Variants in MVB12B observed in about 807,000 individuals in gnomAD.
MVB12B encodes the protein ESCRT-I complex subunit MVB12B.
Under a neutral mutation model 41.6 loss-of-function variants are expected in MVB12B, and 16 were observed. That is an observed-to-expected ratio of 0.38 (90% CI 0.26 to 0.58). The LOEUF is 0.58. MVB12B is among the 20% of genes least tolerant of loss of function. The pLI is 0.62. For missense variants in MVB12B, 274 were observed against 380.2 expected (o/e 0.72, Z 2.32); for synonymous variants, 133 against 139.7 (o/e 0.95, Z 0.34).
At chr9:126,343,318 G>A (rs1829499798) in intron 2 of MVB12B, among the ~76,000 whole-genome samples, 1 of 152,152 alleles carries the variant, frequency 6.6e-6, no homozygotes, top group Non-Finnish European at 1.5e-5. Flanking sequence ...GGTGAGTCTC[G>A]TGCATCTTTG....
intron 6 of MVB12B, among the ~76,000 whole-genome samples, chr9:126,410,198 T>C (rs1036175637): frequency 6.6e-5 from 10 of 151,580 alleles, no homozygotes; most frequent in African/African-American, 2.4e-4. Flanking sequence ...CATGCATGCA[T>C]GTGTGTATGT....
Position 126,340,891 on chromosome 9 carries a change from T to C in MVB12B, c.204+261T>C, listed in dbSNP as rs532287715. Among the ~76,000 whole-genome samples, 7 of 152,340 alleles carry C rather than the reference T, an allele frequency of 4.6e-5. No individual in the cohort carries two copies. The South Asian group carries it at 6.2e-4, about 14-fold the overall frequency. The stretch of plus-strand genomic sequence containing the variant: ...GGAGTTAGATTCATTGATTTTCAAC[T>C]TCTGGTTGTGACATTTCGTGAAAAG... On this transcript the variant is annotated intron_variant, in intron 2 of 9. Coordinates refer to ENST00000361171, the MANE Select transcript of MVB12B (RefSeq NM_033446.3). This position sits in a 1 kb window ranked among gnomAD's most constrained non-coding sequence, Gnocchi z 4.0.
intron 7 of MVB12B, among the ~76,000 whole-genome samples, chr9:126,457,987 CTG>C (rs1833018138): frequency 6.6e-6 from 1 of 152,164 alleles, no homozygotes; most frequent in Non-Finnish European, 1.5e-5. Context: ...ACAATAAAGA[CTG>C]AGCAGAAAGC....
intron 5 of MVB12B, among the ~76,000 whole-genome samples, chr9:126,393,400 G>T (rs1027113687): frequency 6.6e-6 from 1 of 152,206 alleles, no homozygotes; most frequent in African/African-American, 2.4e-5. Flanking sequence ...TTTCATCCAG[G>T]TTCAAGTCCA....
intron 2 of MVB12B, among the ~76,000 whole-genome samples, chr9:126,357,215 A>C (rs1033956928): frequency 5.3e-5 from 8 of 152,180 alleles, no homozygotes; most frequent in African/African-American, 1.9e-4. Flanking sequence ...TTGTTTAATG[A>C]GTAGTGCTCT....
intron 7 of MVB12B, among the ~76,000 whole-genome samples, chr9:126,454,763 G>T (rs146770761): frequency 1.3e-5 from 2 of 151,796 alleles, no homozygotes; most frequent in African/African-American, 2.4e-5. Context: ...ATAGCCTTCT[G>T]GTAGGGGTCG....
chr9:126,497,671 C>A (rs986646145), intron 9 of MVB12B, among the ~76,000 whole-genome samples: 2 of 152,202 alleles, frequency 1.3e-5, no homozygotes, highest in Non-Finnish European at 2.9e-5. Context: ...TCTCCCTACC[C>A]CCAAGGCCCA....
intron 9 of MVB12B, among the ~76,000 whole-genome samples, chr9:126,496,232 TACAC>T (rs1833831158): frequency 1.9e-5 from 1 of 54,004 alleles, no homozygotes; most frequent in Admixed American, 2.3e-4. Context: ...CACCCATCCA[TACAC>T]CCACTTACCC....
At chr9:126,396,219 G>A (rs1831110194) in intron 6 of MVB12B, 5 of 986,586 alleles carry the variant, frequency 5.1e-6, no homozygotes, top group Non-Finnish European at 6.0e-6. Flanking sequence ...AATTGTCTCC[G>A]CAAAGAAACT....
At chr9:126,455,120 G>A (rs4837086) in intron 7 of MVB12B, among the ~76,000 whole-genome samples, 134,464 of 152,228 alleles carry the variant, frequency 0.88, 59,489 homozygotes, top group East Asian at 1. Flanking sequence ...AAGACCCACA[G>A]CTCCCAGTAA....
At chr9:126,387,566 G>A (rs930703323) in intron 4 of MVB12B, among the ~76,000 whole-genome samples, 22 of 152,262 alleles carry the variant, frequency 1.4e-4, no homozygotes, top group Admixed American at 1.4e-3. Flanking sequence ...ATCCCCTGCT[G>A]TTATTTTCAT....
intron 2 of MVB12B, among the ~76,000 whole-genome samples, chr9:126,375,363 C>CTTTTTTTTTTTTTTTTTTTTTT (rs35585049): frequency 9.5e-6 from 1 of 105,194 alleles, no homozygotes; most frequent in Non-Finnish European, 1.8e-5. Context: ...TAAATTGATT[C>CTTTTTTTTTTTTTTTTTTTTTT]TTTTTTTTTT....
At chr9:126,491,034 A>AACTGT (rs1289888934) in intron 9 of MVB12B, among the ~76,000 whole-genome samples, 10 of 152,218 alleles carry the variant, frequency 6.6e-5, no homozygotes, top group African/African-American at 2.2e-4. Flanking sequence ...TTAAGTGTTA[A>AACTGT]TTAGTAAACA....
At chr9:126,401,653 A>G (rs1355508625) in intron 6 of MVB12B, among the ~76,000 whole-genome samples, 1 of 152,200 alleles carries the variant, frequency 6.6e-6, no homozygotes, top group Admixed American at 6.5e-5. Context: ...GAGAGGAAAA[A>G]TCATGCCGTG....
chr9:126,464,535 C>T (rs887140481), intron 7 of MVB12B, among the ~76,000 whole-genome samples: 1 of 152,190 alleles, frequency 6.6e-6, no homozygotes, highest in African/African-American at 2.4e-5. Flanking sequence ...TACACGAGGT[C>T]TGCACTTGAA....
intron 7 of MVB12B, among the ~76,000 whole-genome samples, chr9:126,469,006 G>C (rs771879064): frequency 6.6e-6 from 1 of 152,100 alleles, no homozygotes. Flanking sequence ...TTAAAAACAC[G>C]AATACATACA....
Position 126,486,037 on chromosome 9 carries a change from G to A in MVB12B, c.873+2005G>A, listed in dbSNP as rs923436169. Among the ~76,000 whole-genome samples the A allele has an allele frequency of 5.8e-4, 88 of 152,272 alleles. No homozygotes were observed. Among genetic ancestry groups the A allele is most frequent in the African/African-American group, 2.0e-3 (82 of 41,544 alleles). On this transcript the variant is annotated intron_variant, in intron 9 of 9. Transcript: ENST00000361171. The surrounding 1 kb of genome is among the most constrained non-coding windows in gnomAD (Gnocchi z 4.7). The stretch of plus-strand genomic sequence containing the variant: ...GCAGAAGCCGGCTGCATTATTGAAA[G>A]ATGGCTGAAATCAAGCAAAATTGAA...
At chr9:126,370,093 A>G (rs1004908567) in intron 2 of MVB12B, among the ~76,000 whole-genome samples, 2 of 151,956 alleles carry the variant, frequency 1.3e-5, no homozygotes, top group Non-Finnish European at 2.9e-5. Flanking sequence ...GTTGGTGAGG[A>G]TTTGGGTCAT....
At chr9:126,412,702 C>A (rs972692572) in intron 6 of MVB12B, among the ~76,000 whole-genome samples, 1 of 152,184 alleles carries the variant, frequency 6.6e-6, no homozygotes, top group African/African-American at 2.4e-5. Context: ...TCGTCAATAC[C>A]GTGAGCCTCT....
Sources: gnomAD v4.1 joint callset for allele counts (sites outside exome capture counted in the v4.1 genomes callset) on GRCh38, gnomAD v4.1.1 for gene constraint, Gnocchi (gnomAD v3.1) non-coding constraint, MANE v1.5 for transcripts, NCBI Gene and HGNC (gene_info 2026-07-23, HGNC 2026-07-21) for gene names.